The following UNC13C variants were observed in gnomAD, a reference collection of about 807,000 sequenced individuals.
UNC13C encodes the protein protein unc-13 homolog C.
A neutral mutation model predicts 245.4 loss-of-function variants in UNC13C; 174 were observed. The observed-to-expected ratio is 0.71, with a 90% confidence interval of 0.63 to 0.80. The LOEUF is 0.80. Among genes scored for constraint, UNC13C ranks in the 30% least tolerant of loss-of-function variants. UNC13C has a pLI of 0.00. For missense variants in UNC13C, 2,829 were observed against 2,602.9 expected, an observed-to-expected ratio of 1.09 and a Z score of -1.89; for synonymous variants, 992 against 895.1, an observed-to-expected ratio of 1.11 and a Z score of -1.93.
intron 13 of UNC13C, among the ~76,000 whole-genome samples, chr15:54,319,769 G>C (rs921842208): frequency 6.9e-6 from 1 of 144,960 alleles, no homozygotes; most frequent in African/African-American, 2.6e-5. Flanking sequence ...GAGCAAAATA[G>C]GATCACATTA....
At chr15:54,548,074 G>A (rs1896563212) in intron 27 of UNC13C, among the ~76,000 whole-genome samples, 1 of 152,098 alleles carries the variant, frequency 6.6e-6, no homozygotes, top group South Asian at 2.1e-4. Flanking sequence ...TTCCCTCTCT[G>A]GAAAACTGAA....
Position 54,297,880 on chromosome 15 carries a change from A to C in UNC13C, c.4058A>C (p.Glu1353Ala), listed in dbSNP as rs2037477598. The change falls in exon 12 of 33, where the codon GAA becomes GCA. Residue 1353 changes from glutamate (E) to alanine (A), a missense_variant. Coordinates refer to ENST00000260323, the MANE Select transcript of UNC13C (RefSeq NM_001080534.3). ...RLKINVEIKG[E>A]EKVAPYHIQY... Reference sequence around the variant, plus strand: ...AAAATCAATGTGGAGATAAAAGGAGAAGAGAAGGTTGCTCCATATCATATT... The same window carrying C: ...AAAATCAATGTGGAGATAAAAGGAGCAGAGAAGGTTGCTCCATATCATATT... The C allele has an allele frequency of 1.2e-6, 2 of 1,610,456 alleles. No homozygotes were observed. Among genetic ancestry groups the C allele is most frequent in the Non-Finnish European group, 1.7e-6 (2 of 1,178,266 alleles).
intron 4 of UNC13C, among the ~76,000 whole-genome samples, chr15:54,204,277 A>C (rs1297199272): frequency 9.5e-5 from 14 of 146,786 alleles, no homozygotes; most frequent in Non-Finnish European, 2.1e-4. Context: ...TGTTCCCAAA[A>C]ACCTATTGAC....
At chr15:54,165,714 T>A (rs772262981) in intron 4 of UNC13C, among the ~76,000 whole-genome samples, 1 of 152,172 alleles carries the variant, frequency 6.6e-6, no homozygotes, top group Non-Finnish European at 1.5e-5. Flanking sequence ...AAATTATTGC[T>A]CTGAATTATT....
At chr15:54,432,990 T>C (rs960790682) in intron 19 of UNC13C, among the ~76,000 whole-genome samples, 17 of 151,724 alleles carry the variant, frequency 1.1e-4, no homozygotes, top group Admixed American at 3.3e-4. Context: ...AACTAGAAAA[T>C]CTAGAAGAAA....
intron 4 of UNC13C, among the ~76,000 whole-genome samples, chr15:54,199,444 G>T (rs541775397): frequency 6.6e-6 from 1 of 152,198 alleles, no homozygotes; most frequent in East Asian, 1.9e-4. Context: ...GTGACGTAAA[G>T]CATCAGGTAA....
chr15:53,938,947 G>A, the UNC13C span, among the ~76,000 whole-genome samples: 1 of 151,914 alleles, frequency 6.6e-6, no homozygotes, highest in South Asian at 2.1e-4. Context: ...AAGAACCAGA[G>A]AACCAAGAGC....
intron 2 of UNC13C, among the ~76,000 whole-genome samples, chr15:54,033,548 A>C (rs927875466): frequency 5.3e-5 from 8 of 152,196 alleles, no homozygotes; most frequent in Non-Finnish European, 1.0e-4. Flanking sequence ...CGTGAACCAC[A>C]CACCCAAGGA....
intron 18 of UNC13C, among the ~76,000 whole-genome samples, chr15:54,404,435 GTTAA>G (rs1246976741): frequency 6.6e-6 from 1 of 152,038 alleles, no homozygotes; most frequent in Non-Finnish European, 1.5e-5. Context: ...TTTGTGCTTT[GTTAA>G]TTAATTGCTG....
intron 2 of UNC13C, among the ~76,000 whole-genome samples, chr15:54,116,892 A>C (rs2030286873): frequency 6.6e-6 from 1 of 152,168 alleles, no homozygotes; most frequent in South Asian, 2.1e-4. Context: ...TCTTACCAGC[A>C]GTGTATGATG....
chr15:53,910,691 G>C, the UNC13C span: 2 of 147,106 alleles, frequency 1.4e-5, no homozygotes, highest in African/African-American at 2.4e-5. Flanking sequence ...TGCAGGTGTG[G>C]GGGCAGCAGG....
the UNC13C span, among the ~76,000 whole-genome samples, chr15:53,839,724 TC>T: frequency 3.9e-5 from 6 of 152,120 alleles, no homozygotes; most frequent in African/African-American, 1.4e-4. Flanking sequence ...CCATTTTTTT[TC>T]CCCCTTCTGC....
At chr15:54,286,359 A>G (rs1051710853) in intron 10 of UNC13C, among the ~76,000 whole-genome samples, 26 of 152,156 alleles carry the variant, frequency 1.7e-4, no homozygotes, top group African/African-American at 6.3e-4. Flanking sequence ...TTGCAGTGTG[A>G]AGTATATTTT....
chr15:54,048,855 T>C (rs1187662515), intron 2 of UNC13C: 1 of 252,366 alleles, frequency 4.0e-6, no homozygotes, highest in Non-Finnish European at 7.9e-6. Context: ...TTCGTTTGTA[T>C]CCCTTTCACG....
chr15:53,923,497 A>G, the UNC13C span, among the ~76,000 whole-genome samples: 2 of 152,366 alleles, frequency 1.3e-5, no homozygotes, highest in African/African-American at 2.4e-5. Context: ...ACTAACCAAC[A>G]GCCTTGATAA....
At chr15:54,436,829 A>G (rs1274578160) in intron 19 of UNC13C, among the ~76,000 whole-genome samples, 3 of 151,928 alleles carry the variant, frequency 2.0e-5, no homozygotes, top group Non-Finnish European at 4.4e-5. Context: ...TTAAAGTAAA[A>G]TTAAGAAAAT....
At chr15:54,420,148 A>G (rs1352576272) in intron 19 of UNC13C, among the ~76,000 whole-genome samples, 3 of 152,130 alleles carry the variant, frequency 2.0e-5, no homozygotes, top group Non-Finnish European at 4.4e-5. Flanking sequence ...GGGTTAGTGT[A>G]TCAGTTACCT....
In UNC13C at chr15:54,423,822, A is replaced by G. The variant is rs545886784; in HGVS notation, c.4933+8755A>G. Among the ~76,000 whole-genome samples, 30 of 151,954 alleles carry G rather than the reference A, an allele frequency of 2.0e-4. No individual in the cohort carries two copies. In the Middle Eastern group the frequency reaches 0.01, roughly 52 times the overall value. ...GTATTTTTTCTATCATTTTCCTGCT[A>G]TTAGTTTTTCAGCCATGTACCATCT... On this transcript the variant is annotated intron_variant, in intron 19 of 32. Coordinates refer to ENST00000260323, the MANE Select transcript of UNC13C (RefSeq NM_001080534.3).
rs1196669388 is a variant in UNC13C at position 54,476,027 on chromosome 15, G to A, written c.4934-18581G>A. On this transcript the variant is annotated intron_variant, in intron 19 of 32. Coordinates refer to ENST00000260323, the MANE Select transcript of UNC13C (RefSeq NM_001080534.3). ...AACTGGCGTGAGATGGTATCTCATT[G>A]TGGTTTTGATTTGCATTTCTCTGAT... Among the ~76,000 whole-genome samples the A allele has an allele frequency of 7.8e-5, 9 of 114,930 alleles. 2 individuals are homozygous for A. Among genetic ancestry groups the A allele is most frequent in the Admixed American group, 7.0e-4 (8 of 11,364 alleles). The allele number at this position is 114,930 out of a possible 152,430, so 75.4% of individuals were successfully genotyped here. A position where few individuals can be genotyped will look rare whatever the true frequency, so the allele number is the denominator to read the frequency against.
Sources: allele counts gnomAD v4.1 joint callset (sites outside exome capture counted in the v4.1 genomes callset), GRCh38; gene constraint gnomAD v4.1.1; transcripts MANE v1.5; gene names NCBI Gene and HGNC (gene_info 2026-07-23, HGNC 2026-07-21).